The following CDKL4 variants were observed in gnomAD, a reference collection of about 807,000 sequenced individuals.
The protein encoded by CDKL4 is cyclin-dependent kinase-like 4.
In CDKL4, 44 loss-of-function variants were observed where a neutral mutation model predicts 42.0. The ratio of observed to expected loss-of-function variants is 1.05; its 90% confidence interval spans 0.82 to 1.35. The LOEUF is 1.35. Ranked by LOEUF, CDKL4 falls within the 40% of genes most tolerant of loss-of-function variation. The pLI is 0.00. For missense variants in CDKL4, 393 were observed against 369.9 expected, an observed-to-expected ratio of 1.06 and a Z score of -0.51; for synonymous variants, 120 against 121.6, an observed-to-expected ratio of 0.99 and a Z score of 0.09.
At chr2:39,222,455 T>G (rs1678431946) in intron 3 of CDKL4, among the ~76,000 whole-genome samples, 1 of 151,994 alleles carries the variant, frequency 6.6e-6, no homozygotes, top group African/African-American at 2.4e-5. Context: ...CCGGGCATGG[T>G]AGCGGGTCCC....
chr2:39,176,027 G>A lies in CDKL4; in HGVS notation c.997C>T (p.Gln333Ter), dbSNP rs1277426774. The A allele has an allele frequency of 8.5e-6, 4 of 470,682 alleles. No homozygotes were observed. Among genetic ancestry groups the A allele is most frequent in the South Asian group, 3.1e-5 (2 of 64,420 alleles). 29.2% of individuals were successfully genotyped at this position (470,682 alleles called of 1,614,324 possible). ...TTTGGAAGGTGATCAAATTTTAACT[G>A]GAGGACTTGTTTTCTTCCATCAGGT... Residue 333 changes from glutamine to a stop codon, truncating the protein, a stop_gained, in exon 10 of 10, where the codon CAG becomes TAG. Coordinates refer to ENST00000451199, the Ensembl canonical transcript of CDKL4. LOFTEE classifies it high-confidence loss of function.
At chr2:39,186,275 T>C (rs1675822465) in intron 7 of CDKL4, among the ~76,000 whole-genome samples, 1 of 152,176 alleles carries the variant, frequency 6.6e-6, no homozygotes. Flanking sequence ...ATAATTGATT[T>C]AAAATGAACA....
At chr2:39,170,106 C>T in the CDKL4 span, among the ~76,000 whole-genome samples, 1 of 152,130 alleles carries the variant, frequency 6.6e-6, no homozygotes, top group African/African-American at 2.4e-5. Context: ...TCAAGCAATT[C>T]ACCTGCCTCG....
chr2:39,185,796 T>A (rs1206352476), intron 7 of CDKL4, among the ~76,000 whole-genome samples: 1 of 152,094 alleles, frequency 6.6e-6, no homozygotes, highest in Non-Finnish European at 1.5e-5. Flanking sequence ...TTTATATAAT[T>A]GTACACTGTA....
chr2:39,235,360 A>G (rs1679314372), intron 1 of CDKL4, among the ~76,000 whole-genome samples: 2 of 152,198 alleles, frequency 1.3e-5, no homozygotes, highest in South Asian at 4.1e-4. Context: ...GAAGAATAAG[A>G]AAAAAATATT....
downstream of CDKL4, among the ~76,000 whole-genome samples, chr2:39,174,726 T>C (rs1377742008): frequency 6.6e-6 from 1 of 152,336 alleles, no homozygotes; most frequent in Admixed American, 6.5e-5. Context: ...ATATCACTGA[T>C]TGCGCCTTTT....
In CDKL4 at chr2:39,215,694, A is replaced by G. The variant is rs57384457; in HGVS notation, c.291-2222T>C. On this transcript the variant is annotated intron_variant, in intron 3 of 9. Transcript: ENST00000451199. ...CAGTGGGAAGGCCTAGGCATGACTCAGTTATGACACTAGCTACAAGAGTCT... is the reference window on the plus strand; with the variant it reads ...CAGTGGGAAGGCCTAGGCATGACTCGGTTATGACACTAGCTACAAGAGTCT... 1.4e-3 allele frequency among the ~76,000 whole-genome samples: 206 copies of G among 152,320 alleles called. 3 individuals carry two copies. In the East Asian group the frequency reaches 0.021, roughly 16 times the overall value.
intron 8 of CDKL4, among the ~76,000 whole-genome samples, chr2:39,179,554 C>T (rs1038939566): frequency 2.6e-5 from 4 of 152,224 alleles, no homozygotes; most frequent in African/African-American, 9.6e-5. Context: ...AAGAGGCCAC[C>T]TGTAGATCTG....
At chr2:39,172,833 T>A (rs1675039138), downstream of CDKL4, among the ~76,000 whole-genome samples, 3 of 152,090 alleles carry the variant, frequency 2.0e-5, no homozygotes, top group South Asian at 6.2e-4. Flanking sequence ...CCGCCTGCCT[T>A]GGCCTCCCAA....
intron 6 of CDKL4, 90 bp from the exon 7 acceptor site, chr2:39,187,799 G>A: frequency 1.3e-6 from 1 of 796,688 alleles, no homozygotes; most frequent in Non-Finnish European, 2.1e-6. Flanking sequence ...CAGGCATGGT[G>A]GCTCACACCT....
chr2:39,238,895 G>A (rs2148409019), intron 1 of CDKL4, among the ~76,000 whole-genome samples: 1 of 152,274 alleles, frequency 6.6e-6, no homozygotes, highest in African/African-American at 2.4e-5. Flanking sequence ...GGGATTACAG[G>A]CATGTGCCAC....
At chr2:39,229,561 T>A in exon 2 of CDKL4, 1 of 1,561,982 alleles carries the variant, frequency 6.4e-7, no homozygotes, top group Non-Finnish European at 8.7e-7. Context: ...AATTATTGTA[T>A]CGATTGACTT....
At chr2:39,186,107 G>T (rs1393743290) in intron 7 of CDKL4, among the ~76,000 whole-genome samples, 1 of 152,306 alleles carries the variant, frequency 6.6e-6, no homozygotes, top group African/African-American at 2.4e-5. Context: ...AGACACTTAA[G>T]TTTGTTGTAG....
chr2:39,173,370 C>T (rs541314363), downstream of CDKL4, among the ~76,000 whole-genome samples: 1 of 152,232 alleles, frequency 6.6e-6, no homozygotes, highest in African/African-American at 2.4e-5. Context: ...CCCGTGGTAT[C>T]GTCCTGTTAA....
intron 4 of CDKL4, among the ~76,000 whole-genome samples, chr2:39,208,401 C>T (rs139449816): frequency 0.021 from 3,120 of 150,134 alleles, 117 homozygotes; most frequent in African/African-American, 0.072. Flanking sequence ...AGTGCAGTGG[C>T]GTGATCTCGG....
chr2:39,185,208 G>GTA (rs1558546470), intron 7 of CDKL4, among the ~76,000 whole-genome samples: 2 of 14,522 alleles, frequency 1.4e-4, no homozygotes, highest in Non-Finnish European at 2.3e-4. Context: ...ATACACATAC[G>GTA]TATATATACA....
chr2:39,201,314 A>AC (rs763468946), intron 5 of CDKL4, among the ~76,000 whole-genome samples: 49 of 151,582 alleles, frequency 3.2e-4, no homozygotes, highest in African/African-American at 5.3e-4. Context: ...TAAAAAAAAA[A>AC]AAACTACAGA....
intron 4 of CDKL4, among the ~76,000 whole-genome samples, chr2:39,212,320 G>A (rs552595493): frequency 5.3e-5 from 8 of 150,340 alleles, no homozygotes; most frequent in East Asian, 2.0e-4. Flanking sequence ...TGCAAGCTCC[G>A]CCTCCTGGGT....
downstream of CDKL4, among the ~76,000 whole-genome samples, chr2:39,172,275 G>A (rs1469857775): frequency 6.6e-6 from 1 of 151,230 alleles, no homozygotes; most frequent in African/African-American, 2.4e-5. Context: ...TTGCGCCATT[G>A]CATTCCAGCC....
Sources: allele counts gnomAD v4.1 joint callset (sites outside exome capture counted in the v4.1 genomes callset), GRCh38; gene constraint gnomAD v4.1.1; transcripts MANE v1.5; gene names NCBI Gene and HGNC (gene_info 2026-07-23, HGNC 2026-07-21).